Variants in ASIC2 observed in about 807,000 individuals in gnomAD.
ASIC2 encodes acid-sensing ion channel 2.
ASIC2 carries 25 observed loss-of-function variants against 57.3 expected under a neutral mutation model. That is an observed-to-expected ratio of 0.44 (90% confidence interval 0.32 to 0.61). The LOEUF is 0.61. Ranked by LOEUF, ASIC2 falls within the 20% of genes least tolerant of loss-of-function variation. The pLI is 0.06. For missense variants in ASIC2, 641 were observed against 738.1 expected (o/e 0.87, Z 1.52); for synonymous variants, 319 against 307.5 (o/e 1.04, Z -0.39).
At chr17:34,011,051 A>AGT (rs1906726259) in intron 1 of ASIC2, among the ~76,000 whole-genome samples, 1 of 151,282 alleles carries the variant, frequency 6.6e-6, no homozygotes, top group African/African-American at 2.4e-5. Flanking sequence ...ACACACACAC[A>AGT]CACAGACACA....
intron 1 of ASIC2, among the ~76,000 whole-genome samples, chr17:34,112,032 A>C (rs1567826379): frequency 6.6e-6 from 1 of 152,194 alleles, no homozygotes. Context: ...GGAATATAAA[A>C]GACTTTTTTT....
chr17:33,678,970 G>C (rs1168430331), intron 1 of ASIC2, among the ~76,000 whole-genome samples: 1 of 152,190 alleles, frequency 6.6e-6, no homozygotes, highest in Non-Finnish European at 1.5e-5. Flanking sequence ...GTCAGACAGA[G>C]GCAGAGCTGG....
chr17:33,131,025 G>A (rs775692624), intron 1 of ASIC2, among the ~76,000 whole-genome samples: 7 of 152,196 alleles, frequency 4.6e-5, no homozygotes, highest in Non-Finnish European at 8.8e-5. Context: ...GTGGAAGATA[G>A]GATTACCTTA....
At chr17:33,089,289 G>T (rs2092148501) in intron 2 of ASIC2, among the ~76,000 whole-genome samples, 1 of 152,182 alleles carries the variant, frequency 6.6e-6, no homozygotes, top group Admixed American at 6.5e-5. Flanking sequence ...GAGGATCAAG[G>T]TCAGAGAGAG....
intron 1 of ASIC2, among the ~76,000 whole-genome samples, chr17:33,928,538 C>T (rs1000904530): frequency 3.3e-5 from 5 of 152,322 alleles, no homozygotes; most frequent in South Asian, 2.1e-4. Context: ...GCAGCCAAAC[C>T]ATAGACTGGG....
At chr17:33,074,533 G>A (rs2092081872) in intron 3 of ASIC2, among the ~76,000 whole-genome samples, 1 of 152,106 alleles carries the variant, frequency 6.6e-6, no homozygotes, top group African/African-American at 2.4e-5. Flanking sequence ...AGGCCTTTGG[G>A]TTCCATGTCT....
intron 1 of ASIC2, among the ~76,000 whole-genome samples, chr17:33,909,779 T>C (rs752720370): frequency 3.9e-5 from 6 of 152,222 alleles, no homozygotes; most frequent in Non-Finnish European, 7.3e-5. Flanking sequence ...TTTCCTCAAT[T>C]ACATCTTTTG....
intron 1 of ASIC2, among the ~76,000 whole-genome samples, chr17:33,513,220 T>C (rs1038740310): frequency 1.1e-4 from 17 of 152,320 alleles, no homozygotes; most frequent in African/African-American, 3.8e-4. Flanking sequence ...TAGCTTTTAT[T>C]TTCATTAAAT....
At chr17:33,566,555 A>G (rs1321386165) in intron 1 of ASIC2, among the ~76,000 whole-genome samples, 2 of 152,228 alleles carry the variant, frequency 1.3e-5, no homozygotes, top group Non-Finnish European at 2.9e-5. Context: ...GGAGAGACAG[A>G]CATACACAGA....
At chr17:33,231,274 C>A (rs1377214622) in intron 1 of ASIC2, among the ~76,000 whole-genome samples, 1 of 152,214 alleles carries the variant, frequency 6.6e-6, no homozygotes, top group Non-Finnish European at 1.5e-5. Context: ...AAATGTATCT[C>A]CATGCCTCCC....
chr17:33,569,575 T>G (rs1916361982), intron 1 of ASIC2: 2 of 152,214 alleles, frequency 1.3e-5, no homozygotes, highest in Non-Finnish European at 2.9e-5. Flanking sequence ...AATTGACTTC[T>G]TCAGGCTCTT....
At chr17:33,756,411 C>T (rs1567707563) in intron 1 of ASIC2, among the ~76,000 whole-genome samples, 4 of 152,222 alleles carry the variant, frequency 2.6e-5, no homozygotes, top group Non-Finnish European at 1.5e-5. Context: ...ATTAAGAGTT[C>T]AGAAATAAGT....
intron 1 of ASIC2, among the ~76,000 whole-genome samples, chr17:33,835,694 T>G (rs181260637): frequency 1.6e-4 from 24 of 152,364 alleles, no homozygotes; most frequent in African/African-American, 5.5e-4. Context: ...CTGACTTCTA[T>G]CACATCATAG....
chr17:34,106,919 T>C (rs1911081824), intron 1 of ASIC2, among the ~76,000 whole-genome samples: 3 of 152,206 alleles, frequency 2.0e-5, no homozygotes, highest in African/African-American at 7.2e-5. Context: ...TCCAGGAGTA[T>C]ATTTGCTTCT....
rs1326279362 is a variant in ASIC2 at position 33,277,714 on chromosome 17, G to C, written c.708+13694C>G. The stretch of plus-strand genomic sequence containing the variant: ...CAAAGAAAAGGGCCTGGCTCAGTCA[G>C]TCTCACCGAGCTGCCCTTAGACAGG... On this transcript the variant is annotated intron_variant, in intron 1 of 9. Coordinates refer to ENST00000225823, the MANE Select transcript of ASIC2 (RefSeq NM_183377.2). 2.0e-5 allele frequency among the ~76,000 whole-genome samples: 3 copies of C among 152,188 alleles called. No individual in the cohort carries two copies. The East Asian group carries it at 5.8e-4, about 29-fold the overall frequency.
intron 1 of ASIC2, among the ~76,000 whole-genome samples, chr17:33,854,820 G>A (rs73288653): frequency 0.023 from 3,576 of 152,262 alleles, 122 homozygotes; most frequent in African/African-American, 0.082. Context: ...AACTTTCCTT[G>A]TGGGATTGTC....
chr17:33,828,778 A>G (rs1174533180), intron 1 of ASIC2, among the ~76,000 whole-genome samples: 1 of 152,208 alleles, frequency 6.6e-6, no homozygotes, highest in Non-Finnish European at 1.5e-5. Flanking sequence ...GGTGAACACA[A>G]TGTAGATAAA....
intron 3 of ASIC2, among the ~76,000 whole-genome samples, chr17:33,049,165 G>A (rs2091966036): frequency 6.6e-6 from 1 of 152,228 alleles, no homozygotes; most frequent in Non-Finnish European, 1.5e-5. Context: ...CGGCCCCACA[G>A]ATTTGCTGTT....
At chr17:33,750,944 A>C (rs1202413100) in intron 1 of ASIC2, among the ~76,000 whole-genome samples, 1 of 152,188 alleles carries the variant, frequency 6.6e-6, no homozygotes, top group Non-Finnish European at 1.5e-5. Flanking sequence ...AAATAAAGTA[A>C]TAATGTTATC....
Sources: gnomAD v4.1 joint callset for allele counts (sites outside exome capture counted in the v4.1 genomes callset) on GRCh38, gnomAD v4.1.1 for gene constraint, MANE v1.5 for transcripts, NCBI Gene and HGNC (gene_info 2026-07-23, HGNC 2026-07-21) for gene names.